The following COL22A1 variants were observed in gnomAD, a reference collection of about 807,000 sequenced individuals.
COL22A1 encodes collagen alpha-1(XXII) chain.
A neutral mutation model predicts 248.9 loss-of-function variants in COL22A1; 221 were observed. The ratio of observed to expected loss-of-function variants is 0.89; its 90% confidence interval spans 0.80 to 0.99. The LOEUF (loss-of-function observed/expected upper bound fraction) is 0.99, where lower values mean the gene tolerates loss of function less well. COL22A1 is among the 50% of genes least tolerant of loss of function. The pLI, the probability that COL22A1 is intolerant of heterozygous loss-of-function variation, is 0.00. For missense variants in COL22A1, 2,240 were observed against 2,179.0 expected (o/e 1.03, Z -0.56); for synonymous variants, 891 against 793.4 (o/e 1.12, Z -2.07).
At chr8:138,899,550 G>C (rs751287155) in intron 1 of COL22A1, among the ~76,000 whole-genome samples, 13 of 152,006 alleles carry the variant, frequency 8.6e-5, no homozygotes, top group Non-Finnish European at 1.5e-4. Context: ...TTGAGAGGGA[G>C]TCTCACTCTA....
intron 25 of COL22A1, 31 bp downstream of exon 25, chr8:138,724,584 G>A (rs1830154891): frequency 6.2e-7 from 1 of 1,608,138 alleles, no homozygotes; most frequent in Non-Finnish European, 8.5e-7. Context: ...AGAGGGAGGA[G>A]GGGAGCAGGA....
chr8:138,884,997 T>C (rs1415582543), intron 1 of COL22A1, among the ~76,000 whole-genome samples: 1 of 144,830 alleles, frequency 6.9e-6, no homozygotes, highest in Non-Finnish European at 1.5e-5. Context: ...AACACACCCA[T>C]GTGCATATGT....
At chr8:138,772,941 A>C (rs1056520848) in intron 16 of COL22A1, among the ~76,000 whole-genome samples, 3 of 152,224 alleles carry the variant, frequency 2.0e-5, no homozygotes, top group African/African-American at 7.2e-5. Flanking sequence ...TTTCTCCATT[A>C]GGCAGAGGGT....
chr8:138,839,268 A>G (rs1045652816), intron 4 of COL22A1, among the ~76,000 whole-genome samples: 3 of 152,086 alleles, frequency 2.0e-5, no homozygotes, highest in African/African-American at 7.2e-5. Flanking sequence ...CATCATGAAC[A>G]AGCATCTGGG....
intron 3 of COL22A1, among the ~76,000 whole-genome samples, chr8:138,860,508 C>T (rs1586907795): frequency 6.6e-6 from 1 of 152,210 alleles, no homozygotes; most frequent in Non-Finnish European, 1.5e-5. Context: ...ACCAACAATA[C>T]AATGAGTTCA....
chr8:138,605,565 G>A (rs1249227538), intron 58 of COL22A1, among the ~76,000 whole-genome samples: 4 of 152,140 alleles, frequency 2.6e-5, no homozygotes, highest in Admixed American at 6.5e-5. Flanking sequence ...ACCTCCAACG[G>A]GCTGGGCTTG....
intron 48 of COL22A1, among the ~76,000 whole-genome samples, chr8:138,636,480 A>AGAAAGGAAAGGACAGGAAAG: frequency 2.1e-5 from 1 of 46,568 alleles, no homozygotes; most frequent in South Asian, 8.7e-4. Context: ...AAGAGAAGGA[A>AGAAAGGAAAGGACAGGAAAG]GAAAGGAAAG....
At chr8:138,751,296 C>T (rs1045366540) in intron 22 of COL22A1, among the ~76,000 whole-genome samples, 162 bp downstream of exon 22, 3 of 152,156 alleles carry the variant, frequency 2.0e-5, no homozygotes, top group African/African-American at 7.2e-5. Flanking sequence ...CATAGTAGAA[C>T]CTCAACCATG....
At chr8:138,656,316 G>A (rs1823259103) in intron 44 of COL22A1, among the ~76,000 whole-genome samples, 1 of 152,152 alleles carries the variant, frequency 6.6e-6, no homozygotes, top group African/African-American at 2.4e-5. Flanking sequence ...AATCTGGATT[G>A]TCATGGATAT....
intron 2 of COL22A1, among the ~76,000 whole-genome samples, chr8:138,882,429 C>A (rs1824287955): frequency 6.6e-6 from 1 of 151,076 alleles, no homozygotes; most frequent in African/African-American, 2.4e-5. Context: ...CACTCCCTCA[C>A]ACACTTCCTC....
intron 24 of COL22A1, 111 bp downstream of exon 24, chr8:138,725,276 T>G (rs1830209560): frequency 5.3e-6 from 6 of 1,134,184 alleles, no homozygotes; most frequent in Non-Finnish European, 6.7e-6. Flanking sequence ...GTTTTTGCAC[T>G]GGACTTGGGT....
At chr8:138,627,628 G>A (rs1820348958) in intron 50 of COL22A1, among the ~76,000 whole-genome samples, 1 of 152,024 alleles carries the variant, frequency 6.6e-6, no homozygotes, top group Non-Finnish European at 1.5e-5. Flanking sequence ...TTAAAACATG[G>A]TAGACCCTTA....
intron 22 of COL22A1, among the ~76,000 whole-genome samples, chr8:138,744,334 G>T (rs1586632038): frequency 6.6e-6 from 1 of 152,258 alleles, no homozygotes; most frequent in South Asian, 2.1e-4. Flanking sequence ...GCGAAAGGCA[G>T]GGATTAAGCT....
intron 50 of COL22A1, among the ~76,000 whole-genome samples, chr8:138,628,634 G>A (rs989605091): frequency 2.0e-5 from 3 of 152,178 alleles, no homozygotes; most frequent in African/African-American, 7.2e-5. Context: ...TTATGGTAAA[G>A]TTTCAGCACC....
At chr8:138,867,229 C>A (rs1368982377) in intron 3 of COL22A1, among the ~76,000 whole-genome samples, 1 of 152,162 alleles carries the variant, frequency 6.6e-6, no homozygotes, top group South Asian at 2.1e-4. Context: ...AGTGATCTGG[C>A]CTTTGGGCTG....
chr8:138,891,932 T>C (rs1260404536), intron 1 of COL22A1, among the ~76,000 whole-genome samples: 1 of 152,234 alleles, frequency 6.6e-6, no homozygotes, highest in Non-Finnish European at 1.5e-5. Context: ...GTTGATGTGA[T>C]GAATAACATT....
intron 4 of COL22A1, among the ~76,000 whole-genome samples, chr8:138,834,625 C>T (rs1227641593): frequency 1.0e-5 from 1 of 95,956 alleles, no homozygotes; most frequent in Non-Finnish European, 2.4e-5. Context: ...TCTCTGAGCA[C>T]TGGCTTTATT....
chr8:138,594,245 G>A (rs1817334541), intron 62 of COL22A1, 46 bp from the exon 63 acceptor site: 1 of 1,523,804 alleles, frequency 6.6e-7, no homozygotes, highest in South Asian at 1.3e-5. Context: ...ACAGATAGTG[G>A]ACATAGGACA....
chr8:138,861,515 C>A (rs927609839), intron 3 of COL22A1, among the ~76,000 whole-genome samples: 1 of 152,202 alleles, frequency 6.6e-6, no homozygotes, highest in Non-Finnish European at 1.5e-5. Flanking sequence ...GGACTCAACG[C>A]GCAGCGCCGC....
Sources: gnomAD v4.1 joint callset for allele counts (sites outside exome capture counted in the v4.1 genomes callset) on GRCh38, gnomAD v4.1.1 for gene constraint, MANE v1.5 for transcripts, NCBI Gene and HGNC (gene_info 2026-07-23, HGNC 2026-07-21) for gene names.